GALNT13: variants seen among roughly 807,000 people sequenced by gnomAD.
The protein encoded by GALNT13 is polypeptide N-acetylgalactosaminyltransferase 13.
In GALNT13, 28 loss-of-function variants were observed where a neutral mutation model predicts 64.2. The ratio of observed to expected loss-of-function variants is 0.44; its 90% CI spans 0.32 to 0.60. The LOEUF is 0.60. GALNT13 is among the 20% of genes least tolerant of loss of function. The pLI is 0.05. For synonymous variants in GALNT13, 214 were observed against 224.6 expected, an observed-to-expected ratio of 0.95 and a Z score of 0.42; for missense variants, 577 against 669.8, an observed-to-expected ratio of 0.86 and a Z score of 1.53.
chr2:154,408,463 GT>G (rs1237907792), intron 10 of GALNT13, among the ~76,000 whole-genome samples: 1 of 152,044 alleles, frequency 6.6e-6, no homozygotes, highest in Non-Finnish European at 1.5e-5. Flanking sequence ...GCATGAAAAT[GT>G]TTTACTCACA....
the GALNT13 span, among the ~76,000 whole-genome samples, chr2:153,652,959 A>G: frequency 6.6e-6 from 1 of 152,170 alleles, no homozygotes; most frequent in African/African-American, 2.4e-5. Context: ...ATGAGGTAGT[A>G]TAAGATATAT....
At chr2:154,247,493 C>T (rs1573949347) in intron 7 of GALNT13, among the ~76,000 whole-genome samples, 1 of 151,896 alleles carries the variant, frequency 6.6e-6, no homozygotes, top group East Asian at 1.9e-4. Flanking sequence ...CATGTTTATA[C>T]TCATTTAAAA....
At chr2:154,024,236 T>C (rs1025544813) in intron 3 of GALNT13, among the ~76,000 whole-genome samples, 1 of 152,192 alleles carries the variant, frequency 6.6e-6, no homozygotes, top group African/African-American at 2.4e-5. Context: ...ATCTGAATGT[T>C]GGCCTGCCTT....
intron 9 of GALNT13, among the ~76,000 whole-genome samples, chr2:154,357,691 G>T (rs1365388961): frequency 6.6e-6 from 1 of 152,016 alleles, no homozygotes; most frequent in Non-Finnish European, 1.5e-5. Context: ...TATGGGTCAA[G>T]GGATGACTGG....
chr2:153,935,589 G>A (rs547913925), intron 2 of GALNT13, among the ~76,000 whole-genome samples: 14 of 152,308 alleles, frequency 9.2e-5, no homozygotes, highest in African/African-American at 3.4e-4. Flanking sequence ...GTGGGAGGAA[G>A]GGTATCTTTT....
intron 4 of GALNT13, among the ~76,000 whole-genome samples, chr2:154,216,802 CT>C (rs397872685): frequency 0.23 from 16,806 of 72,026 alleles, 523 homozygotes; most frequent in East Asian, 0.32. Context: ...TTCTCTCTCT[CT>C]TTTTTTTTTT....
At chr2:154,147,445 C>T (rs1458104356) in intron 4 of GALNT13, among the ~76,000 whole-genome samples, 1 of 149,988 alleles carries the variant, frequency 6.7e-6, no homozygotes, top group Non-Finnish European at 1.5e-5. Context: ...GCCATTGTAT[C>T]AAGGCATGAT....
At chr2:153,858,806 C>A in the GALNT13 span, among the ~76,000 whole-genome samples, 1 of 152,072 alleles carries the variant, frequency 6.6e-6, no homozygotes, top group Non-Finnish European at 1.5e-5. Flanking sequence ...GATCTCGGCT[C>A]ACTGCAACCT....
At chr2:153,587,232 C>A in the GALNT13 span, among the ~76,000 whole-genome samples, 1,226 of 129,324 alleles carry the variant, frequency 9.5e-3, no homozygotes, top group Admixed American at 0.01. Context: ...GACTCTGTCT[C>A]AAAAAAAAAA....
At chr2:154,054,114 T>A (rs1056762713) in intron 3 of GALNT13, among the ~76,000 whole-genome samples, 13 of 152,184 alleles carry the variant, frequency 8.5e-5, no homozygotes, top group Middle Eastern at 3.4e-3. Context: ...CAGAGCTCTT[T>A]TTTTCTTGCA....
chr2:153,625,745 T>G, the GALNT13 span, among the ~76,000 whole-genome samples: 1 of 152,208 alleles, frequency 6.6e-6, no homozygotes, highest in South Asian at 2.1e-4. Context: ...TTTTTTTTCC[T>G]GTTCTCTGCC....
chr2:153,946,690 AC>A (rs5835493), intron 3 of GALNT13, among the ~76,000 whole-genome samples: 30,695 of 151,620 alleles, frequency 0.2, 4,067 homozygotes, highest in Middle Eastern at 0.33. Flanking sequence ...TGACTTAATC[AC>A]CCCCCAAAGG....
intron 9 of GALNT13, among the ~76,000 whole-genome samples, chr2:154,388,301 G>C (rs1033948713): frequency 1.3e-5 from 2 of 152,076 alleles, no homozygotes; most frequent in Non-Finnish European, 2.9e-5. Context: ...ATGTATTTCA[G>C]ATTTTAATCC....
At chr2:153,638,729 T>C in the GALNT13 span, among the ~76,000 whole-genome samples, 1 of 152,018 alleles carries the variant, frequency 6.6e-6, no homozygotes, top group Non-Finnish European at 1.5e-5. Context: ...TAGGTAGATA[T>C]AGTGGTAAGA....
chr2:153,241,812 G>T, the GALNT13 span, among the ~76,000 whole-genome samples: 2 of 151,970 alleles, frequency 1.3e-5, no homozygotes, highest in African/African-American at 4.8e-5. Flanking sequence ...CTTATAGAAA[G>T]AATTTGTCTT....
the GALNT13 span, among the ~76,000 whole-genome samples, chr2:153,178,660 TCTC>T: frequency 6.6e-6 from 1 of 151,986 alleles, no homozygotes; most frequent in African/African-American, 2.4e-5. Context: ...CTATGGGTTG[TCTC>T]TTCATTGTGA....
At chr2:153,339,684 T>C in the GALNT13 span, among the ~76,000 whole-genome samples, 1 of 152,212 alleles carries the variant, frequency 6.6e-6, no homozygotes, top group African/African-American at 2.4e-5. Flanking sequence ...AAAAATTCAT[T>C]GCCTAACTCA....
chr2:154,390,101 T>C (rs993791424), intron 9 of GALNT13, among the ~76,000 whole-genome samples: 2 of 152,212 alleles, frequency 1.3e-5, no homozygotes, highest in African/African-American at 4.8e-5. Flanking sequence ...TAAATATCAG[T>C]TCTATGGGAC....
chr2:153,308,259 G>T, the GALNT13 span, among the ~76,000 whole-genome samples: 1 of 152,288 alleles, frequency 6.6e-6, no homozygotes, highest in South Asian at 2.1e-4. Flanking sequence ...TTTCTGAAAT[G>T]TATTACACAC....
Sources: gnomAD v4.1 joint callset for allele counts (sites outside exome capture counted in the v4.1 genomes callset) on GRCh38, gnomAD v4.1.1 for gene constraint, MANE v1.5 for transcripts, NCBI Gene and HGNC (gene_info 2026-07-23, HGNC 2026-07-21) for gene names.